CDH13: variants seen among roughly 807,000 people sequenced by gnomAD.
CDH13 encodes cadherin 13.
A neutral mutation model predicts 63.8 loss-of-function variants in CDH13; 24 were observed. The observed-to-expected ratio is 0.38, with a 90% CI of 0.27 to 0.53. CDH13 has a LOEUF of 0.53. Ranked by LOEUF, CDH13 falls within the 20% of genes least tolerant of loss-of-function variation. The pLI, the probability that CDH13 is intolerant of heterozygous loss-of-function variation, is 0.85. For synonymous variants in CDH13, 503 were observed against 355.3 expected, an observed-to-expected ratio of 1.42 and a Z score of -4.67; for missense variants, 1,049 against 903.1, an observed-to-expected ratio of 1.16 and a Z score of -2.07.
chr16:82,990,140 C>A (rs909350547), intron 2 of CDH13: 1 of 152,096 alleles, frequency 6.6e-6, no homozygotes, highest in African/African-American at 2.4e-5. Flanking sequence ...ATCTGTGTTC[C>A]AACCCCAATC....
intron 7 of CDH13, among the ~76,000 whole-genome samples, chr16:83,590,338 C>T (rs765795379): frequency 4.9e-4 from 74 of 152,036 alleles, no homozygotes; most frequent in Non-Finnish European, 1.6e-4. Context: ...AGGACAGACT[C>T]GAGAGGAAGG....
rs557075673 is a variant in CDH13 at position 83,216,474 on chromosome 16, C to A, written c.484-871C>A. Among the ~76,000 whole-genome samples the A allele has an allele frequency of 1.8e-4, 18 of 98,178 alleles. No homozygotes were observed. The South Asian group carries it at 5.6e-3, about 30-fold the overall frequency. 64.4% of individuals were successfully genotyped at this position (98,178 alleles called of 152,430 possible). On this transcript the variant is annotated intron_variant, in intron 4 of 13. Transcript: ENST00000567109. ...ACCCTAATTTGAGGTTTATATATAACATATATATTTTATTTATTATATATA... is the reference window on the plus strand; with the variant it reads ...ACCCTAATTTGAGGTTTATATATAAAATATATATTTTATTTATTATATATA...
At chr16:83,075,061 G>A (rs1436548268) in intron 3 of CDH13, among the ~76,000 whole-genome samples, 2 of 152,116 alleles carry the variant, frequency 1.3e-5, no homozygotes, top group African/African-American at 4.8e-5. Flanking sequence ...ACATCCTTGG[G>A]TCCAGCATCC....
chr16:82,817,460 C>A (rs779317780), intron 1 of CDH13, among the ~76,000 whole-genome samples: 4 of 152,264 alleles, frequency 2.6e-5, no homozygotes, highest in Non-Finnish European at 4.4e-5. Context: ...ACAAAATACT[C>A]TCATACACAC....
At chr16:82,839,201 G>A (rs935138971) in intron 1 of CDH13, among the ~76,000 whole-genome samples, 1 of 152,156 alleles carries the variant, frequency 6.6e-6, no homozygotes, top group Non-Finnish European at 1.5e-5. Context: ...TTCCATTGGG[G>A]GTTACAGTTC....
At chr16:83,270,401 T>C (rs1259710977) in intron 5 of CDH13, among the ~76,000 whole-genome samples, 2 of 152,200 alleles carry the variant, frequency 1.3e-5, no homozygotes, top group African/African-American at 4.8e-5. Context: ...ACGGTTTGTT[T>C]TTGGCATCTG....
chr16:83,534,045 G>A (rs1395977403), intron 7 of CDH13, among the ~76,000 whole-genome samples: 1 of 152,154 alleles, frequency 6.6e-6, no homozygotes, highest in Non-Finnish European at 1.5e-5. Flanking sequence ...TGGATGGACA[G>A]TGTTGTATAA....
intron 10 of CDH13, among the ~76,000 whole-genome samples, chr16:83,689,944 G>T (rs1904682073): frequency 6.6e-6 from 1 of 152,220 alleles, no homozygotes; most frequent in African/African-American, 2.4e-5. Context: ...CCAGCACTTT[G>T]GGAGGCCAAG....
At chr16:83,248,745 C>G (rs1452417216) in intron 5 of CDH13, among the ~76,000 whole-genome samples, 1 of 152,132 alleles carries the variant, frequency 6.6e-6, no homozygotes, top group Non-Finnish European at 1.5e-5. Context: ...TCTTCCATTT[C>G]TCATTATGTT....
At chr16:83,388,450 C>CA (rs1269558293) in intron 6 of CDH13, among the ~76,000 whole-genome samples, 1 of 151,954 alleles carries the variant, frequency 6.6e-6, no homozygotes, top group African/African-American at 2.4e-5. Context: ...GATCCTGTCT[C>CA]AAAAAAATCA....
chr16:82,968,587 T>C (rs1008981643), intron 2 of CDH13, among the ~76,000 whole-genome samples: 2 of 152,088 alleles, frequency 1.3e-5, no homozygotes, highest in African/African-American at 4.8e-5. Context: ...GCAGTGTAAT[T>C]CCCTCCACTA....
intron 5 of CDH13, among the ~76,000 whole-genome samples, chr16:83,225,473 A>G (rs999351746): frequency 2.6e-5 from 4 of 152,162 alleles, no homozygotes; most frequent in Admixed American, 6.5e-5. Context: ...TGACTGTTAA[A>G]TGCCATGTTA....
chr16:82,642,657 A>C (rs1392291571), intron 1 of CDH13, among the ~76,000 whole-genome samples: 1 of 152,132 alleles, frequency 6.6e-6, no homozygotes, highest in African/African-American at 2.4e-5. Flanking sequence ...TTATCTTTGG[A>C]TTCCCACTAC....
chr16:83,049,822 T>C (rs2030090724), intron 3 of CDH13, among the ~76,000 whole-genome samples: 2 of 152,180 alleles, frequency 1.3e-5, no homozygotes, highest in Admixed American at 1.3e-4. Flanking sequence ...TGCAAATGTA[T>C]TTGAGTACTA....
intron 7 of CDH13, among the ~76,000 whole-genome samples, chr16:83,527,495 A>G (rs570900311): frequency 6.6e-6 from 1 of 152,318 alleles, no homozygotes; most frequent in East Asian, 1.9e-4. Context: ...AGATACAAAA[A>G]GAGTTGTCTT....
intron 1 of CDH13, among the ~76,000 whole-genome samples, chr16:82,689,677 C>A (rs1915441308): frequency 6.6e-6 from 1 of 152,094 alleles, no homozygotes; most frequent in Non-Finnish European, 1.5e-5. Flanking sequence ...TAGCCCCCTC[C>A]CGTTTCTGTA....
chr16:82,648,051 G>A (rs1289995481), intron 1 of CDH13, among the ~76,000 whole-genome samples: 4 of 152,180 alleles, frequency 2.6e-5, no homozygotes, highest in Non-Finnish European at 5.9e-5. Flanking sequence ...TGTGAGACAT[G>A]CCTTTACTCC....
intron 5 of CDH13, among the ~76,000 whole-genome samples, chr16:83,246,458 G>C (rs528348588): frequency 6.6e-6 from 1 of 152,038 alleles, no homozygotes; most frequent in Non-Finnish European, 1.5e-5. Flanking sequence ...TCTGTACTCC[G>C]AGAGATTCAC....
chr16:83,322,017 A>G (rs542457302), intron 5 of CDH13, among the ~76,000 whole-genome samples: 1 of 152,350 alleles, frequency 6.6e-6, no homozygotes, highest in Non-Finnish European at 1.5e-5. Context: ...GTGCAAGGCC[A>G]CTGGAGACAG....
Sources: allele counts gnomAD v4.1 joint callset (sites outside exome capture counted in the v4.1 genomes callset), GRCh38; gene constraint gnomAD v4.1.1; transcripts MANE v1.5; gene names NCBI Gene and HGNC (gene_info 2026-07-23, HGNC 2026-07-21).